ADGRB3: variants seen among roughly 807,000 people sequenced by gnomAD.
The protein encoded by ADGRB3 is adhesion G protein-coupled receptor B3, also known as brain-specific angiogenesis inhibitor 3.
In ADGRB3, 37 loss-of-function variants were observed where a neutral mutation model predicts 193.4. The observed-to-expected ratio is 0.19, with a 90% confidence interval of 0.15 to 0.25. The LOEUF is 0.25. Ranked by LOEUF, ADGRB3 falls within the 10% of genes least tolerant of loss-of-function variation. ADGRB3 has a pLI of 1.00. For missense variants in ADGRB3, 1,637 were observed against 1,852.9 expected (o/e 0.88, Z 2.14); for synonymous variants, 690 against 644.2 (o/e 1.07, Z -1.08).
At chr6:69,129,101 C>T (rs1773933406) in intron 17 of ADGRB3, among the ~76,000 whole-genome samples, 1 of 152,060 alleles carries the variant, frequency 6.6e-6, no homozygotes, top group Admixed American at 6.6e-5. Flanking sequence ...ATGTTTTAAC[C>T]CTCTACACTC....
chr6:68,817,345 ATATATATATATATAT>A (rs1562042367), intron 3 of ADGRB3, among the ~76,000 whole-genome samples: 2 of 103,556 alleles, frequency 1.9e-5, no homozygotes, highest in Non-Finnish European at 3.5e-5. Flanking sequence ...ATATATATAT[ATATATATATATATAT>A]AATTTCTGAC....
chr6:69,386,545 T>C (rs1770075981), intron 31 of ADGRB3, among the ~76,000 whole-genome samples: 2 of 152,080 alleles, frequency 1.3e-5, no homozygotes, highest in African/African-American at 4.8e-5. Flanking sequence ...CCCTATTGCC[T>C]ACAAAATAAA....
At chr6:68,698,382 G>A (rs1220284744) in intron 3 of ADGRB3, among the ~76,000 whole-genome samples, 1 of 151,866 alleles carries the variant, frequency 6.6e-6, no homozygotes, top group Non-Finnish European at 1.5e-5. Context: ...CAATGAGGAG[G>A]CACCAACAAG....
intron 10 of ADGRB3, among the ~76,000 whole-genome samples, chr6:68,979,861 TCTCCTCTTC>T (rs1486396300): frequency 6.6e-6 from 1 of 151,376 alleles, no homozygotes; most frequent in African/African-American, 2.4e-5. Flanking sequence ...CTCTCTTCTC[TCTCCTCTTC>T]CTCCTCTTCC....
chr6:69,320,319 C>T (rs1768418706), intron 20 of ADGRB3, among the ~76,000 whole-genome samples: 1 of 150,830 alleles, frequency 6.6e-6, no homozygotes, highest in South Asian at 2.1e-4. Flanking sequence ...TTTATTTAGA[C>T]TTATTATTTT....
At chr6:69,378,074 G>A (rs1769868707) in intron 30 of ADGRB3, among the ~76,000 whole-genome samples, 2 of 152,066 alleles carry the variant, frequency 1.3e-5, no homozygotes, top group Admixed American at 1.3e-4. Flanking sequence ...CATTTATTGA[G>A]CACCTGCTGA....
chr6:69,140,768 A>G (rs1774314092), intron 17 of ADGRB3, among the ~76,000 whole-genome samples: 1 of 152,194 alleles, frequency 6.6e-6, no homozygotes, highest in Non-Finnish European at 1.5e-5. Flanking sequence ...TAACCCATAA[A>G]TATACAAATC....
chr6:68,985,362 A>C (rs1769039073), intron 10 of ADGRB3, among the ~76,000 whole-genome samples: 1 of 152,198 alleles, frequency 6.6e-6, no homozygotes, highest in South Asian at 2.1e-4. Flanking sequence ...GATTTTATCC[A>C]GCGTTGATAT....
chr6:69,179,381 G>A (rs1426686618), intron 17 of ADGRB3, among the ~76,000 whole-genome samples: 4 of 152,040 alleles, frequency 2.6e-5, no homozygotes, highest in Admixed American at 6.6e-5. Context: ...TCTCCATTTC[G>A]TAGATTGCTT....
At chr6:68,889,956 G>A (rs2150228627) in intron 3 of ADGRB3, among the ~76,000 whole-genome samples, 1 of 152,236 alleles carries the variant, frequency 6.6e-6, no homozygotes, top group South Asian at 2.1e-4. Flanking sequence ...TATATAAAAA[G>A]TAGTGAGTAC....
chr6:68,685,678 A>T (rs1582122815), intron 3 of ADGRB3, among the ~76,000 whole-genome samples: 1 of 152,122 alleles, frequency 6.6e-6, no homozygotes, highest in African/African-American at 2.4e-5. Flanking sequence ...GGAGTTCAAG[A>T]CCAGCCTGAC....
chr6:68,950,944 A>T (rs1055289264), intron 6 of ADGRB3, among the ~76,000 whole-genome samples: 6 of 152,130 alleles, frequency 3.9e-5, no homozygotes, highest in Non-Finnish European at 7.3e-5. Flanking sequence ...CATACTTTGC[A>T]TCTTCCCTGG....
intron 3 of ADGRB3, among the ~76,000 whole-genome samples, chr6:68,683,325 C>T (rs886989445): frequency 6.6e-6 from 1 of 151,282 alleles, no homozygotes. Context: ...AACTAAGCAC[C>T]CAAACATCTG....
At chr6:68,918,220 G>T (rs1766935648) in intron 3 of ADGRB3, among the ~76,000 whole-genome samples, 1 of 152,076 alleles carries the variant, frequency 6.6e-6, no homozygotes, top group Non-Finnish European at 1.5e-5. Flanking sequence ...TCCTGTAAAG[G>T]TTGGGATGTT....
chr6:68,697,998 A>G (rs1378784891), intron 3 of ADGRB3, among the ~76,000 whole-genome samples: 1 of 151,668 alleles, frequency 6.6e-6, no homozygotes, highest in African/African-American at 2.4e-5. Flanking sequence ...GCAGATATAG[A>G]TATAAACAGA....
intron 11 of ADGRB3, among the ~76,000 whole-genome samples, chr6:69,007,689 TCTCTCACACA>T (rs761437992): frequency 0.22 from 26,318 of 117,470 alleles, 2,386 homozygotes; most frequent in Non-Finnish European, 0.26. Context: ...TCTCTCTCTC[TCTCTCACACA>T]CACACACACA....
intron 3 of ADGRB3, among the ~76,000 whole-genome samples, chr6:68,892,280 T>C (rs1766100576): frequency 6.6e-6 from 1 of 152,158 alleles, no homozygotes; most frequent in Non-Finnish European, 1.5e-5. Flanking sequence ...TACTGAAGCA[T>C]AGCAATAACA....
chr6:69,298,356 T>C (rs1271164077), intron 20 of ADGRB3, among the ~76,000 whole-genome samples: 2 of 152,044 alleles, frequency 1.3e-5, no homozygotes, highest in Non-Finnish European at 2.9e-5. Context: ...TTTTAATTTT[T>C]ACGTATATAT....
chr6:68,908,032 C>G lies in ADGRB3; in HGVS notation c.758-22527C>G, dbSNP rs570656359. Among the ~76,000 whole-genome samples, 8 of 151,866 alleles carry G rather than the reference C, an allele frequency of 5.3e-5. No homozygotes were observed. The South Asian group carries it at 1.7e-3, about 31-fold the overall frequency. ...TCTCCTGTTTCTTGCATTACCTTATCTTTTATGTTACATAAAGTTCGATGA... is the reference window on the plus strand; with the variant it reads ...TCTCCTGTTTCTTGCATTACCTTATGTTTTATGTTACATAAAGTTCGATGA... On this transcript the variant is annotated intron_variant, in intron 3 of 31. Coordinates refer to ENST00000370598, the MANE Select transcript of ADGRB3 (RefSeq NM_001704.3).
Sources: allele counts gnomAD v4.1 joint callset (sites outside exome capture counted in the v4.1 genomes callset), GRCh38; gene constraint gnomAD v4.1.1; transcripts MANE v1.5; gene names NCBI Gene and HGNC (gene_info 2026-07-23, HGNC 2026-07-21).